SLC20A2: variants seen among roughly 807,000 people sequenced by gnomAD.
SLC20A2 encodes the protein sodium-dependent phosphate transporter 2.
Under a neutral mutation model 61.0 loss-of-function variants are expected in SLC20A2, and 30 were observed. The observed-to-expected ratio is 0.49, with a 90% CI of 0.37 to 0.67. The LOEUF (loss-of-function observed/expected upper bound fraction) is 0.67. Among genes scored for constraint, SLC20A2 ranks in the 30% least tolerant of loss-of-function variants. The probability of loss-of-function intolerance (pLI) is 0.00; values close to 1 mark genes in which losing one functional copy is unlikely to be tolerated. For synonymous variants in SLC20A2, 351 were observed against 353.3 expected (o/e 0.99, Z 0.07); for missense variants, 626 against 866.4 (o/e 0.72, Z 3.48).
At chr8:42,535,138 C>T (rs1274791008) in intron 1 of SLC20A2, 1 of 152,076 alleles carries the variant, frequency 6.6e-6, no homozygotes. Context: ...CCGTGAATAT[C>T]TTCATGAGTC....
At chr8:42,457,099 T>C (rs1806275953) in intron 5 of SLC20A2, among the ~76,000 whole-genome samples, 1 of 151,950 alleles carries the variant, frequency 6.6e-6, no homozygotes, top group South Asian at 2.1e-4. Context: ...GATTTTTGTA[T>C]TTTTAGTAGA....
Position 42,463,055 on chromosome 8 carries a change from A to T in SLC20A2, c.466T>A (p.Phe156Ile). 1.1e-5 allele frequency: 17 copies of T among 1,606,732 alleles called. No individual in the cohort carries two copies. The highest frequency in any genetic ancestry group is 1.4e-5 in the Non-Finnish European group (17 of 1,176,936). ...AGTACAAACAGCAGGCCAGACATGA[A>T]ACCAGACAACAGTGGAGATATAAAC... ...SWFISPLLSG[F>I]MSGLLFVLIR... Residue 156 changes from phenylalanine (F) to isoleucine (I), a missense_variant, in exon 4 of 11, where the codon TTC becomes ATC. Coordinates refer to ENST00000520262, the MANE Select transcript of SLC20A2 (RefSeq NM_001257180.2).
intron 8 of SLC20A2, among the ~76,000 whole-genome samples, chr8:42,436,098 A>C (rs1804228892): frequency 6.6e-6 from 1 of 151,684 alleles, no homozygotes; most frequent in African/African-American, 2.4e-5. Flanking sequence ...CCTGGGGAAC[A>C]GAGCGAGACT....
At chr8:42,471,483 CAT>C (rs1807636446) in intron 2 of SLC20A2, among the ~76,000 whole-genome samples, 6 of 152,152 alleles carry the variant, frequency 3.9e-5, no homozygotes, top group Admixed American at 3.9e-4. Context: ...ACAAAACAAA[CAT>C]ACCAAATGGA....
chr8:42,423,264 A>G (rs1221665098), intron 10 of SLC20A2, among the ~76,000 whole-genome samples: 1 of 152,050 alleles, frequency 6.6e-6, no homozygotes. Context: ...TCTTATTTCA[A>G]TATATAATTA....
chr8:42,464,831 T>G (rs1194856285), intron 3 of SLC20A2, among the ~76,000 whole-genome samples: 2 of 151,694 alleles, frequency 1.3e-5, no homozygotes, highest in Non-Finnish European at 2.9e-5. Context: ...AGAAATGAGC[T>G]GGGCGTGGTG....
chr8:42,516,208 T>G (rs571081750), intron 1 of SLC20A2, among the ~76,000 whole-genome samples: 62 of 152,342 alleles, frequency 4.1e-4, no homozygotes, highest in African/African-American at 1.5e-3. Context: ...GCACTGCAGT[T>G]TCAGATAAAA....
At chr8:42,476,366 G>A (rs985190713) in intron 1 of SLC20A2, among the ~76,000 whole-genome samples, 1 of 152,100 alleles carries the variant, frequency 6.6e-6, no homozygotes, top group Non-Finnish European at 1.5e-5. Flanking sequence ...GCCTCCCAAA[G>A]TGCTGGGATT....
chr8:42,489,987 A>G (rs1809391427), intron 1 of SLC20A2, among the ~76,000 whole-genome samples: 1 of 152,216 alleles, frequency 6.6e-6, no homozygotes, highest in Non-Finnish European at 1.5e-5. Context: ...AAATTTTACC[A>G]TGTGCAAATA....
intron 1 of SLC20A2, among the ~76,000 whole-genome samples, chr8:42,474,133 T>C (rs1015731784): frequency 6.6e-6 from 1 of 151,988 alleles, no homozygotes; most frequent in African/African-American, 2.4e-5. Context: ...ATCATGCCAC[T>C]GCACTCCAGC....
chr8:42,511,189 T>C (rs1378520160), intron 1 of SLC20A2, among the ~76,000 whole-genome samples: 2 of 152,204 alleles, frequency 1.3e-5, no homozygotes, highest in African/African-American at 2.4e-5. Flanking sequence ...AAGAGGCACT[T>C]GAAGGGCAGA....
chr8:42,486,532 A>T (rs1809026486), intron 1 of SLC20A2, among the ~76,000 whole-genome samples: 1 of 152,134 alleles, frequency 6.6e-6, no homozygotes, highest in Admixed American at 6.5e-5. Flanking sequence ...CAATGGATGG[A>T]ATCTCTGTTA....
chr8:42,529,581 A>G (rs778762334), intron 1 of SLC20A2, among the ~76,000 whole-genome samples: 1 of 152,230 alleles, frequency 6.6e-6, no homozygotes, highest in Non-Finnish European at 1.5e-5. Context: ...CAGTTTCTCA[A>G]AAAACATAAT....
intron 5 of SLC20A2, among the ~76,000 whole-genome samples, chr8:42,447,490 A>T (rs1245319394): frequency 6.6e-6 from 1 of 152,150 alleles, no homozygotes; most frequent in Admixed American, 6.5e-5. Flanking sequence ...ATCCTGGCTA[A>T]CACGGTGAAA....
intron 2 of SLC20A2, among the ~76,000 whole-genome samples, chr8:42,470,440 A>G (rs753717681): frequency 6.6e-6 from 1 of 151,092 alleles, no homozygotes; most frequent in Non-Finnish European, 1.5e-5. Context: ...ACTGGTCTCA[A>G]ACTCCTGGGA....
intron 6 of SLC20A2, among the ~76,000 whole-genome samples, chr8:42,442,938 G>A (rs543463430): frequency 6.6e-6 from 1 of 152,044 alleles, no homozygotes; most frequent in Non-Finnish European, 1.5e-5. Context: ...TCTGTTTTTT[G>A]AGAGTTCTGT....
intron 1 of SLC20A2, among the ~76,000 whole-genome samples, chr8:42,487,570 G>A (rs890130636): frequency 6.6e-6 from 1 of 151,994 alleles, no homozygotes; most frequent in African/African-American, 2.4e-5. Context: ...CATTTCTCTG[G>A]CTCTGTTCAT....
rs1410054659 is a variant in SLC20A2 at position 42,456,746 on chromosome 8, A to AC, written c.613+3149_613+3150insG. The stretch of plus-strand genomic sequence containing the variant: ...GACTCTGTCTCAAAAAAAAAAAAAA[A>AC]AAAAAAAAACAAGGACTAAGATATC... On this transcript the variant is annotated intron_variant, in intron 5 of 10. Coordinates refer to ENST00000520262, the MANE Select transcript of SLC20A2 (RefSeq NM_001257180.2). 2.6e-5 allele frequency among the ~76,000 whole-genome samples: 4 copies of AC among 151,282 alleles called. 1 individual carries two copies. The highest frequency in any genetic ancestry group is 7.3e-5 in the African/African-American group (3 of 41,148).
At chr8:42,447,789 A>G (rs1805344157) in intron 5 of SLC20A2, among the ~76,000 whole-genome samples, 1 of 152,256 alleles carries the variant, frequency 6.6e-6, no homozygotes, top group Admixed American at 6.5e-5. Context: ...ACAAAAATCC[A>G]GAATCACCTA....
Sources: gnomAD v4.1 joint callset for allele counts (sites outside exome capture counted in the v4.1 genomes callset) on GRCh38, gnomAD v4.1.1 for gene constraint, MANE v1.5 for transcripts, NCBI Gene and HGNC (gene_info 2026-07-23, HGNC 2026-07-21) for gene names.